Variants in SASH1 observed in about 807,000 individuals in gnomAD.
The protein encoded by SASH1 is SAM and SH3 domain-containing protein 1.
Under a neutral mutation model 125.2 loss-of-function variants are expected in SASH1, and 44 were observed. The observed-to-expected ratio is 0.35, with a 90% CI of 0.28 to 0.45. The LOEUF (loss-of-function observed/expected upper bound fraction) is 0.45, where lower values mean the gene tolerates loss of function less well. SASH1 is among the 20% of genes least tolerant of loss of function. The pLI, the probability that SASH1 is intolerant of heterozygous loss-of-function variation, is 1.00. For synonymous variants in SASH1, 639 were observed against 649.1 expected (o/e 0.98, Z 0.24); for missense variants, 1,426 against 1,614.5 (o/e 0.88, Z 2.00).
chr6:148,338,742 T>G (rs1781237690), upstream of SASH1, among the ~76,000 whole-genome samples: 1 of 151,428 alleles, frequency 6.6e-6, no homozygotes, highest in Admixed American at 6.6e-5. Context: ...CCTTGGCTCA[T>G]CTCTGTAATC....
At chr6:148,472,092 A>G (rs1279126677) in intron 6 of SASH1, among the ~76,000 whole-genome samples, 1 of 152,224 alleles carries the variant, frequency 6.6e-6, no homozygotes, top group African/African-American at 2.4e-5. Flanking sequence ...GCTCAGTTAC[A>G]TAATTTATGT....
intron 1 of SASH1, among the ~76,000 whole-genome samples, chr6:148,356,070 G>GTTTTTTTTTTTTTTTTTT: frequency 7.2e-6 from 1 of 139,798 alleles, no homozygotes; most frequent in Non-Finnish European, 1.5e-5. Context: ...GTATCATTCT[G>GTTTTTTTTTTTTTTTTTT]TTTTTTTTTT....
Position 148,525,284 on chromosome 6 carries a change from TCC to T in SASH1, c.1210-6_1210-5del. ...GAAGTTTTTCTGCCCTACCCTCTTT[TCC>T]ACAGAGAACCTGCAGTTTTGGAGGA... On this transcript the variant is annotated splice_polypyrimidine_tract_variant and splice_region_variant and intron_variant, in intron 10 of 19. Coordinates refer to ENST00000367467, the MANE Select transcript of SASH1 (RefSeq NM_015278.5). 6.2e-7 allele frequency: 1 copy of T among 1,613,760 alleles called. No individual in the cohort carries two copies. Among genetic ancestry groups the T allele is most frequent in the African/African-American group, 1.3e-5 (1 of 75,044 alleles).
rs954596696 is a variant in SASH1, at chr6:148,336,309, G to A, written n.75-53825G>A. Among the ~76,000 whole-genome samples the A allele has an allele frequency of 2.0e-5, 3 of 150,280 alleles. No homozygotes were observed. In the Admixed American group the frequency reaches 2.0e-4, roughly 10 times the overall value. On this transcript the variant is annotated intron_variant and non_coding_transcript_variant, in intron 1 of 3. Transcript: ENST00000367469. ...TCCTGCCTCAGCCTCCCGAGTAGCT[G>A]GGATTACAGGTGCCTGCCTCCACGC...
chr6:148,332,970 G>C (rs1562329648), intron 1 of SASH1, among the ~76,000 whole-genome samples: 1 of 152,142 alleles, frequency 6.6e-6, no homozygotes, highest in Non-Finnish European at 1.5e-5. Context: ...CTAGGCAACA[G>C]AGCGAGACTC....
intron 2 of SASH1, among the ~76,000 whole-genome samples, chr6:148,423,631 A>T (rs549272064): frequency 6.6e-6 from 1 of 152,322 alleles, no homozygotes; most frequent in African/African-American, 2.4e-5. Context: ...TATTTATATG[A>T]TAACATGAAA....
intron 1 of SASH1, among the ~76,000 whole-genome samples, chr6:148,294,355 GTACA>G (rs889414351): frequency 2.0e-5 from 3 of 152,166 alleles, no homozygotes; most frequent in African/African-American, 7.2e-5. Flanking sequence ...GGTCAGAGTG[GTACA>G]AATCCTGGAC....
intron 7 of SASH1, chr6:148,480,292 G>C (rs2115169909): frequency 6.8e-6 from 1 of 147,448 alleles, no homozygotes; most frequent in Admixed American, 6.9e-5. Flanking sequence ...TTGCACTCTA[G>C]CCTGGGCAAA....
At position 148,367,745 on chromosome 6, in the gene SASH1, C is replaced by G. The variant is rs552432712; in HGVS notation, c.157-22389C>G. ...GGTGGGGATGGACGGAGCTGCTGCC[C>G]CCATCCCCCTGGCTCCTTACTTCCA... On this transcript the variant is annotated intron_variant, in intron 1 of 19. Transcript: ENST00000367467. Among the ~76,000 whole-genome samples, 5 of 152,236 alleles carry G rather than the reference C, an allele frequency of 3.3e-5. No homozygotes were observed. The East Asian group carries it at 7.7e-4, about 23-fold the overall frequency.
intron 1 of SASH1, among the ~76,000 whole-genome samples, chr6:148,277,088 G>A (rs1376484208): frequency 1.3e-5 from 2 of 152,150 alleles, no homozygotes; most frequent in African/African-American, 4.8e-5. Flanking sequence ...AAAGAAAGGG[G>A]ACACACGAAT....
At chr6:148,357,316 G>A (rs1781983594) in intron 1 of SASH1, among the ~76,000 whole-genome samples, 1 of 152,068 alleles carries the variant, frequency 6.6e-6, no homozygotes, top group Admixed American at 6.6e-5. Flanking sequence ...AACAATTGCT[G>A]GCTGACTTTG....
the SASH1 span, among the ~76,000 whole-genome samples, chr6:148,244,181 T>G: frequency 6.6e-6 from 1 of 152,214 alleles, no homozygotes; most frequent in African/African-American, 2.4e-5. Flanking sequence ...TTCCCAGCTC[T>G]AAGCCTGCAT....
intron 19 of SASH1, 39 bp downstream of exon 19, chr6:148,546,185 T>C: frequency 6.2e-7 from 1 of 1,605,806 alleles, no homozygotes; most frequent in Non-Finnish European, 8.5e-7. Context: ...TGAGGCACAT[T>C]TAGTGATCAC....
rs1428996889 is a variant in SASH1 at position 148,527,605 on chromosome 6, C to A, written c.1428+9C>A. 11 of 1,595,190 alleles carry A rather than the reference C, an allele frequency of 6.9e-6. No homozygotes were observed. The highest frequency in any genetic ancestry group is 8.5e-6 in the Non-Finnish European group (10 of 1,174,444). The stretch of plus-strand genomic sequence containing the variant: ...GCTCTGTCTCTGAGCAGGTATGCAG[C>A]TACCTGGTAGAATGTTCCCTTGGTT... On this transcript the variant is annotated intron_variant, in intron 12 of 19. Transcript: ENST00000367467.
At chr6:148,451,883 C>T (rs373140464) in intron 4 of SASH1, among the ~76,000 whole-genome samples, 9 of 152,272 alleles carry the variant, frequency 5.9e-5, no homozygotes, top group South Asian at 2.1e-4. Context: ...CTGTTTGTGG[C>T]GGGGCTGTGG....
chr6:148,510,326 GT>G (rs1307518003), intron 8 of SASH1, among the ~76,000 whole-genome samples: 4 of 152,122 alleles, frequency 2.6e-5, no homozygotes, highest in Non-Finnish European at 5.9e-5. Flanking sequence ...TCTCTTGAAG[GT>G]TTTCTGGTGA....
At chr6:148,511,129 A>G (rs770845369) in intron 8 of SASH1, among the ~76,000 whole-genome samples, 2 of 152,184 alleles carry the variant, frequency 1.3e-5, no homozygotes, top group Non-Finnish European at 2.9e-5. Flanking sequence ...CAAGCCTTTT[A>G]CAGCGTTTTT....
intron 1 of SASH1, among the ~76,000 whole-genome samples, chr6:148,312,550 T>G (rs1331821857): frequency 6.6e-6 from 1 of 152,146 alleles, no homozygotes; most frequent in African/African-American, 2.4e-5. Context: ...AGGCAATATT[T>G]TGAAAATTGT....
the SASH1 span, among the ~76,000 whole-genome samples, chr6:148,259,976 C>T: frequency 6.6e-6 from 1 of 152,110 alleles, no homozygotes; most frequent in Non-Finnish European, 1.5e-5. Flanking sequence ...GCTTCGAACT[C>T]GTAGACTTAA....
Sources: allele counts gnomAD v4.1 joint callset (sites outside exome capture counted in the v4.1 genomes callset), GRCh38; gene constraint gnomAD v4.1.1; transcripts MANE v1.5; gene names NCBI Gene and HGNC (gene_info 2026-07-23, HGNC 2026-07-21).